The following TMPRSS15 variants were observed in gnomAD, a reference collection of about 807,000 sequenced individuals.
TMPRSS15 encodes enteropeptidase.
Under a neutral mutation model 125.3 loss-of-function variants are expected in TMPRSS15, and 128 were observed. That is an observed-to-expected ratio of 1.02 (90% CI 0.89 to 1.18). The LOEUF is 1.18. Among genes scored for constraint, TMPRSS15 ranks in the 50% most tolerant of loss-of-function variants. The pLI is 0.00. For missense variants in TMPRSS15, 1,283 were observed against 1,212.7 expected (o/e 1.06, Z -0.86); for synonymous variants, 446 against 423.2 (o/e 1.05, Z -0.66).
At chr21:18,465,061 C>T (rs2122955160) in intron 1 of TMPRSS15, among the ~76,000 whole-genome samples, 2 of 152,128 alleles carry the variant, frequency 1.3e-5, no homozygotes, top group African/African-American at 2.4e-5. Flanking sequence ...GCTTATCCAC[C>T]ATGATCAATT....
rs145743566 is a variant in TMPRSS15, at chr21:18,274,216, G to A, written c.2904+981C>T. On this transcript the variant is annotated intron_variant, in intron 24 of 24. Transcript: ENST00000284885. ...TGTTAACATTTTTGAGTAATTGCTC[G>A]ATGCCTTACATGGGTTATCTCATTT... 2.9e-4 allele frequency among the ~76,000 whole-genome samples: 44 copies of A among 152,158 alleles called. 1 individual carries two copies. The highest frequency in any genetic ancestry group is 9.6e-4 in the African/African-American group (40 of 41,522).
At chr21:18,338,554 A>G (rs979525331) in intron 13 of TMPRSS15, among the ~76,000 whole-genome samples, 6 of 152,124 alleles carry the variant, frequency 3.9e-5, no homozygotes, top group Admixed American at 3.9e-4. Flanking sequence ...TTTTTAAACA[A>G]TGCCCCAAAT....
intron 13 of TMPRSS15, among the ~76,000 whole-genome samples, chr21:18,334,535 T>C (rs2075373787): frequency 6.6e-6 from 1 of 152,192 alleles, no homozygotes; most frequent in South Asian, 2.1e-4. Context: ...TTTTTTGGAT[T>C]GTTGTAAAAT....
At chr21:18,298,286 T>C (rs1196962259) in intron 18 of TMPRSS15, among the ~76,000 whole-genome samples, 1 of 152,200 alleles carries the variant, frequency 6.6e-6, no homozygotes, top group Non-Finnish European at 1.5e-5. Context: ...TAAAAGTGCA[T>C]GTAGATAACA....
chr21:18,408,523 T>C (rs2076158104), upstream of TMPRSS15, among the ~76,000 whole-genome samples: 1 of 152,168 alleles, frequency 6.6e-6, no homozygotes. Context: ...GGATTGATGG[T>C]TCCAAGTTGA....
rs548681813 is a variant in TMPRSS15, at chr21:18,291,503, C to A, written c.2486+2767G>T. Among the ~76,000 whole-genome samples the A allele has an allele frequency of 2.6e-5, 4 of 152,286 alleles. No homozygotes were observed. In the South Asian group the frequency reaches 6.2e-4, roughly 24 times the overall value. On this transcript the variant is annotated intron_variant, in intron 21 of 24. Coordinates refer to ENST00000284885, the MANE Select transcript of TMPRSS15 (RefSeq NM_002772.3). ...ATTTAACCACCTGCAGGTTAAAATACCTGGAACAGGTTTACACTGAGGGCA... is the reference window on the plus strand; with the variant it reads ...ATTTAACCACCTGCAGGTTAAAATAACTGGAACAGGTTTACACTGAGGGCA...
chr21:18,325,743 T>C (rs1427739357), intron 16 of TMPRSS15, among the ~76,000 whole-genome samples: 1 of 151,966 alleles, frequency 6.6e-6, no homozygotes, highest in Non-Finnish European at 1.5e-5. Context: ...AGTATCAAGT[T>C]ACAAAAAAAT....
chr21:18,327,250 T>C (rs2075301331), intron 15 of TMPRSS15, among the ~76,000 whole-genome samples: 1 of 152,248 alleles, frequency 6.6e-6, no homozygotes, highest in African/African-American at 2.4e-5. Context: ...TATTTACTTT[T>C]CAATGATTTG....
chr21:18,314,670 A>G (rs1440971336), intron 17 of TMPRSS15, among the ~76,000 whole-genome samples: 2 of 152,068 alleles, frequency 1.3e-5, no homozygotes, highest in African/African-American at 2.4e-5. Context: ...GCTTAGAAAT[A>G]AAAAGACATA....
In TMPRSS15 at chr21:18,341,300, G is replaced by A. The variant is rs767706354; in HGVS notation, c.1564+113C>T. The A allele has an allele frequency of 3.9e-4, 515 of 1,324,786 alleles. 1 individual carries two copies. The highest frequency in any genetic ancestry group is 5.1e-4 in the Non-Finnish European group (473 of 924,294). 82.1% of individuals were successfully genotyped at this position (1,324,786 alleles called of 1,614,324 possible). A position where few individuals can be genotyped will look rare whatever the true frequency, so the allele number is the denominator to read the frequency against. On this transcript the variant is annotated intron_variant, in intron 13 of 24. Coordinates refer to ENST00000284885, the MANE Select transcript of TMPRSS15 (RefSeq NM_002772.3). Reference sequence around the variant, plus strand: ...TCCTCAGGCTGGTCTCAAACTCCTGGCTTCAAGCAATCCTCCTGCTTCAGC... The same window carrying A: ...TCCTCAGGCTGGTCTCAAACTCCTGACTTCAAGCAATCCTCCTGCTTCAGC...
intron 3 of TMPRSS15, among the ~76,000 whole-genome samples, chr21:18,394,516 T>C (rs1453555574): frequency 1.4e-5 from 2 of 146,612 alleles, no homozygotes; most frequent in Non-Finnish European, 3.0e-5. Flanking sequence ...TGTATGGCAT[T>C]CTCTCTCTCT....
intron 1 of TMPRSS15, among the ~76,000 whole-genome samples, chr21:18,461,264 T>C (rs1344863509): frequency 6.6e-6 from 1 of 152,164 alleles, no homozygotes; most frequent in African/African-American, 2.4e-5. Context: ...TCTGTTTTTC[T>C]ACATGTAGTT....
chr21:18,459,122 C>A (rs1978500363), intron 1 of TMPRSS15, among the ~76,000 whole-genome samples: 1 of 152,032 alleles, frequency 6.6e-6, no homozygotes, highest in Admixed American at 6.6e-5. Flanking sequence ...AGTTTTATTC[C>A]ATGTGGATAT....
intron 13 of TMPRSS15, 143 bp from the exon 14 acceptor site, chr21:18,332,316 C>G: frequency 1.4e-6 from 1 of 730,348 alleles, no homozygotes; most frequent in Non-Finnish European, 2.4e-6. Context: ...AGGGTAAATG[C>G]TGCAGTTTAA....
chr21:18,292,213 A>G (rs1255878187), intron 21 of TMPRSS15, among the ~76,000 whole-genome samples: 1 of 152,254 alleles, frequency 6.6e-6, no homozygotes, highest in Admixed American at 6.5e-5. Flanking sequence ...TCATGTAGAC[A>G]CAGCCTAGTT....
At chr21:18,308,748 C>T (rs557496379) in intron 18 of TMPRSS15, among the ~76,000 whole-genome samples, 185 of 152,188 alleles carry the variant, frequency 1.2e-3, no homozygotes, top group Non-Finnish European at 2.1e-3. Flanking sequence ...CCTAGTCCCC[C>T]ACCCACTGAC....
chr21:18,281,498 A>C (rs1472915313), intron 21 of TMPRSS15, among the ~76,000 whole-genome samples: 2 of 152,072 alleles, frequency 1.3e-5, no homozygotes, highest in Non-Finnish European at 2.9e-5. Flanking sequence ...TGTACATTGC[A>C]ATCTCGTGAG....
chr21:18,454,939 C>A (rs762491942), intron 1 of TMPRSS15, among the ~76,000 whole-genome samples: 1 of 152,170 alleles, frequency 6.6e-6, no homozygotes, highest in Non-Finnish European at 1.5e-5. Context: ...TATAGCTTGG[C>A]TGTGTCCCCA....
At chr21:18,393,330 T>G (rs930054075) in intron 3 of TMPRSS15, among the ~76,000 whole-genome samples, 1 of 152,224 alleles carries the variant, frequency 6.6e-6, no homozygotes, top group Non-Finnish European at 1.5e-5. Context: ...ATAAAGCATG[T>G]TCTAGTACCT....
Sources: gnomAD v4.1 joint callset for allele counts (sites outside exome capture counted in the v4.1 genomes callset) on GRCh38, gnomAD v4.1.1 for gene constraint, MANE v1.5 for transcripts, NCBI Gene and HGNC (gene_info 2026-07-23, HGNC 2026-07-21) for gene names.